Variants in ADAM9 observed in about 807,000 individuals in gnomAD.
ADAM9 encodes the protein ADAM metallopeptidase domain 9.
ADAM9 carries 54 observed loss-of-function variants against 108.1 expected under a neutral mutation model. That is an observed-to-expected ratio of 0.50 (90% confidence interval 0.40 to 0.63). The LOEUF (loss-of-function observed/expected upper bound fraction) is 0.63. ADAM9 is among the 20% of genes least tolerant of loss of function. The pLI, the probability that ADAM9 is intolerant of heterozygous loss-of-function variation, is 0.00. For missense variants in ADAM9, 830 were observed against 997.7 expected, an observed-to-expected ratio of 0.83 and a Z score of 2.26; for synonymous variants, 316 against 336.0, an observed-to-expected ratio of 0.94 and a Z score of 0.65.
rs554948638 is a variant in ADAM9 at position 39,089,027 on chromosome 8, A to G, written c.2069-1020A>G. On this transcript the variant is annotated intron_variant, in intron 18 of 21. Transcript: ENST00000487273. ...CACTTAGGGAGGCCGAGGCGGGCAG[A>G]TCATGAGGTCAGGAGTTGGAGACCA... is the stretch of plus-strand genomic sequence containing the variant. Among the ~76,000 whole-genome samples the G allele has an allele frequency of 6.9e-4, 105 of 152,290 alleles. 1 individual carries two copies. The highest frequency in any genetic ancestry group is 1.4e-3 in the Non-Finnish European group (94 of 68,024).
chr8:39,074,247 G>A (rs184605172), intron 15 of ADAM9, among the ~76,000 whole-genome samples: 321 of 152,120 alleles, frequency 2.1e-3, no homozygotes, highest in African/African-American at 7.5e-3. Context: ...AGTTTTTGTT[G>A]TATTTCTTTT....
At chr8:39,041,001 G>C (rs2129436229) in intron 11 of ADAM9, among the ~76,000 whole-genome samples, 1 of 152,198 alleles carries the variant, frequency 6.6e-6, no homozygotes, top group Middle Eastern at 3.4e-3. Flanking sequence ...AACTTTCTAA[G>C]AAGAAAACGT....
At chr8:39,017,093 A>G (rs1466508647) in intron 5 of ADAM9, 126 bp from the exon 6 acceptor site, 26 of 1,026,742 alleles carry the variant, frequency 2.5e-5, no homozygotes, top group Non-Finnish European at 3.5e-5. Context: ...TAAAGCCTCT[A>G]TTTTCTTCTC....
intron 2 of ADAM9, among the ~76,000 whole-genome samples, 190 bp downstream of exon 2, chr8:39,008,173 C>CTTT (rs35261462): frequency 6.8e-6 from 1 of 146,800 alleles, no homozygotes; most frequent in African/African-American, 2.5e-5. Context: ...CCTTAATATC[C>CTTT]TTTTTTTTTT....
At chr8:39,059,777 G>C (rs1838239083) in intron 14 of ADAM9, among the ~76,000 whole-genome samples, 1 of 152,156 alleles carries the variant, frequency 6.6e-6, no homozygotes, top group Non-Finnish European at 1.5e-5. Context: ...ATCCACTTTT[G>C]GTTCTTCATA....
At chr8:39,060,916 G>T (rs983559274) in intron 14 of ADAM9, among the ~76,000 whole-genome samples, 2 of 152,188 alleles carry the variant, frequency 1.3e-5, no homozygotes, top group African/African-American at 4.8e-5. Flanking sequence ...GGTTTTTTCA[G>T]ATCACAGCTG....
At chr8:39,038,269 A>G (rs1196021617) in intron 11 of ADAM9, among the ~76,000 whole-genome samples, 1 of 152,172 alleles carries the variant, frequency 6.6e-6, no homozygotes, top group East Asian at 1.9e-4. Flanking sequence ...GTAGAAAGCC[A>G]CATTCCTACA....
intron 16 of ADAM9, among the ~76,000 whole-genome samples, chr8:39,077,635 G>A (rs1295497351): frequency 6.6e-6 from 1 of 152,094 alleles, no homozygotes; most frequent in Non-Finnish European, 1.5e-5. Context: ...GCAATATACT[G>A]TGCATGGTTC....
intron 14 of ADAM9, among the ~76,000 whole-genome samples, chr8:39,059,508 C>G (rs1436138426): frequency 1.3e-5 from 2 of 152,196 alleles, no homozygotes; most frequent in Non-Finnish European, 1.5e-5. Flanking sequence ...TACGTGGTTC[C>G]TGAGCCCATG....
intron 12 of ADAM9, among the ~76,000 whole-genome samples, chr8:39,044,786 A>G (rs554937401): frequency 7.7e-4 from 117 of 152,198 alleles, no homozygotes; most frequent in African/African-American, 2.8e-3. Flanking sequence ...AGCTCCATCC[A>G]TGTTGCTGCA....
At position 39,077,404 on chromosome 8, in the gene ADAM9, C is replaced by T; in HGVS notation, c.1874C>T (p.Ala625Val). 1 of 1,607,826 alleles carries T rather than the reference C, an allele frequency of 6.2e-7. No individual in the cohort carries two copies. The highest frequency in any genetic ancestry group is 2.2e-5 in the East Asian group (1 of 44,750). Reference sequence around the variant, plus strand: ...GTTAACGAAGGCACAAAATGTGGTGCTGGAAAGGTAATCAAAATATTTTTT... The same window carrying T: ...GTTAACGAAGGCACAAAATGTGGTGTTGGAAAGGTAATCAAAATATTTTTT... Reference protein sequence around the residue: ...GMVNEGTKCGAGKICRNFQCV... With the variant: ...GMVNEGTKCGVGKICRNFQCV... The change falls in exon 16 of 22, where the codon GCT becomes GTT. Residue 625 changes from alanine (A) to valine (V), a missense_variant. Coordinates refer to ENST00000487273, the MANE Select transcript of ADAM9 (RefSeq NM_003816.3).
At chr8:39,034,139 C>T (rs1837194036) in intron 11 of ADAM9, among the ~76,000 whole-genome samples, 1 of 152,172 alleles carries the variant, frequency 6.6e-6, no homozygotes, top group Non-Finnish European at 1.5e-5. Context: ...GCAATCCTCC[C>T]ACCTTAGCCT....
chr8:39,084,869 G>A (rs761711703), intron 18 of ADAM9, among the ~76,000 whole-genome samples: 29 of 151,878 alleles, frequency 1.9e-4, no homozygotes, highest in Non-Finnish European at 2.7e-4. Flanking sequence ...TTATTATGAT[G>A]TTCTGTTATT....
At chr8:39,046,337 T>G (rs1490444724) in intron 12 of ADAM9, among the ~76,000 whole-genome samples, 1 of 152,204 alleles carries the variant, frequency 6.6e-6, no homozygotes, top group Non-Finnish European at 1.5e-5. Context: ...TTTACTGAAT[T>G]TATTTATTAG....
At chr8:39,065,763 T>A (rs982080151) in intron 14 of ADAM9, among the ~76,000 whole-genome samples, 26 of 152,072 alleles carry the variant, frequency 1.7e-4, no homozygotes, top group East Asian at 3.9e-4. Context: ...TTCTTTTTTT[T>A]AAATATATTT....
chr8:39,048,118 G>A (rs1471028999), intron 12 of ADAM9, among the ~76,000 whole-genome samples: 1 of 151,726 alleles, frequency 6.6e-6, no homozygotes, highest in Non-Finnish European at 1.5e-5. Flanking sequence ...ATGGGGTTTC[G>A]CCATGTTGGC....
intron 1 of ADAM9, 24 bp from the exon 2 acceptor site, chr8:39,007,862 T>C: frequency 6.6e-7 from 1 of 1,505,886 alleles, no homozygotes; most frequent in African/African-American, 1.4e-5. Context: ...TCACTTATTA[T>C]ATTTGTTTTT....
intron 11 of ADAM9, among the ~76,000 whole-genome samples, chr8:39,041,462 T>C (rs1481847705): frequency 2.0e-5 from 3 of 151,338 alleles, no homozygotes; most frequent in Non-Finnish European, 4.4e-5. Flanking sequence ...GCATCTGAAC[T>C]GGAGTTGCCC....
Position 39,047,825 on chromosome 8 carries a change from G to A in ADAM9, c.1302+5708G>A, listed in dbSNP as rs73602742. On this transcript the variant is annotated intron_variant, in intron 12 of 21. Coordinates refer to ENST00000487273, the MANE Select transcript of ADAM9 (RefSeq NM_003816.3). ...ATTATTTCCCTTATGATAATTTTGG[G>A]TTTAAATTTTCTGTTGCTTTTCAGA... Among the ~76,000 whole-genome samples the A allele has an allele frequency of 4.8e-3, 711 of 148,958 alleles. 5 individuals carry two copies. Among genetic ancestry groups the A allele is most frequent in the African/African-American group, 0.017 (675 of 40,708 alleles).
Sources: gnomAD v4.1 joint callset for allele counts (sites outside exome capture counted in the v4.1 genomes callset) on GRCh38, gnomAD v4.1.1 for gene constraint, MANE v1.5 for transcripts, NCBI Gene and HGNC (gene_info 2026-07-23, HGNC 2026-07-21) for gene names.